Variants in NDRG3 observed in about 807,000 individuals in gnomAD.
NDRG3 encodes the protein NDRG family member 3, also known as protein NDRG3.
A neutral mutation model predicts 57.2 loss-of-function variants in NDRG3; 23 were observed. The ratio of observed to expected loss-of-function variants is 0.40; its 90% CI spans 0.29 to 0.57. The LOEUF (loss-of-function observed/expected upper bound fraction) is 0.57. NDRG3 is among the 20% of genes least tolerant of loss of function. NDRG3 has a pLI of 0.42. For synonymous variants in NDRG3, 132 were observed against 162.6 expected (o/e 0.81, Z 1.43); for missense variants, 384 against 457.3 (o/e 0.84, Z 1.46).
At chr20:36,727,679 C>G (rs1276615597) in intron 1 of NDRG3, among the ~76,000 whole-genome samples, 1 of 151,456 alleles carries the variant, frequency 6.6e-6, no homozygotes, top group Non-Finnish European at 1.5e-5. Context: ...GTAGCTGGGA[C>G]TACAGGCGCC....
chr20:36,712,588 T>TATA (rs1555804489), intron 2 of NDRG3, among the ~76,000 whole-genome samples: 9 of 10,918 alleles, frequency 8.2e-4, no homozygotes, highest in Non-Finnish European at 1.2e-3. Context: ...TATATATATA[T>TATA]TTTTTTTTTT....
chr20:36,680,796 C>G lies in NDRG3; in HGVS notation c.531+20G>C. 6.2e-7 allele frequency: 1 copy of G among 1,605,696 alleles called. No individual in the cohort carries two copies. Among genetic ancestry groups the G allele is most frequent in the South Asian group, 1.1e-5 (1 of 90,896 alleles). Reference sequence around the variant, plus strand: ...AGATGGGCCAAGATAAGCCGATGGACACCTTCATGTGGTACTTACTTTGGA... The same window carrying G: ...AGATGGGCCAAGATAAGCCGATGGAGACCTTCATGTGGTACTTACTTTGGA... On this transcript the variant is annotated intron_variant, in intron 8 of 15. Transcript: ENST00000349004.
rs558291671 is a variant in NDRG3 at position 36,656,065 on chromosome 20, C to T, written c.946+295G>A. On this transcript the variant is annotated intron_variant, in intron 15 of 15. Coordinates refer to ENST00000349004, the MANE Select transcript of NDRG3 (RefSeq NM_032013.4). The stretch of plus-strand genomic sequence containing the variant: ...AGGAGAATCGCTTGAACCCAGGAGG[C>T]GGAGGTTGCAGTGAGCTGAGATCAC... Among the ~76,000 whole-genome samples, 8 of 139,460 alleles carry T rather than the reference C, an allele frequency of 5.7e-5. No individual in the cohort carries two copies. The South Asian group carries it at 1.4e-3, about 24-fold the overall frequency. The allele number at this position is 139,460 out of a possible 152,430, so 91.5% of individuals were successfully genotyped here. A position where few individuals can be genotyped will look rare whatever the true frequency, so the allele number is the denominator to read the frequency against.
chr20:36,654,990 T>C (rs561361915), intron 15 of NDRG3, among the ~76,000 whole-genome samples: 1 of 152,356 alleles, frequency 6.6e-6, no homozygotes, highest in South Asian at 2.1e-4. Flanking sequence ...GGCTGACAGA[T>C]ACTTCAATAA....
rs138073343 is a variant in NDRG3 at position 36,709,737 on chromosome 20, G to T, written c.58-2730C>A. Among the ~76,000 whole-genome samples, 1,349 of 152,262 alleles carry T rather than the reference G, an allele frequency of 8.9e-3. 22 individuals carry two copies. Among genetic ancestry groups the T allele is most frequent in the African/African-American group, 0.03 (1,232 of 41,534 alleles). The stretch of plus-strand genomic sequence containing the variant: ...GGATTAGGATAGATGGTTTTTGTAG[G>T]ATATAAATGGCCAGCCAGTGAGTTT... On this transcript the variant is annotated intron_variant, in intron 2 of 15. Coordinates refer to ENST00000349004, the MANE Select transcript of NDRG3 (RefSeq NM_032013.4).
At chr20:36,726,496 A>T (rs193302764) in intron 1 of NDRG3, among the ~76,000 whole-genome samples, 299 of 152,246 alleles carry the variant, frequency 2.0e-3, no homozygotes, top group Admixed American at 4.5e-3. Context: ...CTTGCCAATG[A>T]GCAGTTTTAT....
intron 6 of NDRG3, 125 bp downstream of exon 6, chr20:36,684,288 C>T (rs987187954): frequency 1.4e-6 from 1 of 719,106 alleles, no homozygotes; most frequent in Non-Finnish European, 2.4e-6. Context: ...ACTTGTTACC[C>T]CACTAAGCTC....
chr20:36,660,801 C>T (rs1979140107), intron 12 of NDRG3, among the ~76,000 whole-genome samples: 1 of 152,104 alleles, frequency 6.6e-6, no homozygotes, highest in African/African-American at 2.4e-5. Flanking sequence ...ACCTCGTGAT[C>T]CGCCCACCTC....
chr20:36,683,242 TCAAAAAAAACAAAAAACAAAAC>T (rs1194240878), intron 6 of NDRG3, among the ~76,000 whole-genome samples: 4 of 151,482 alleles, frequency 2.6e-5, no homozygotes, highest in Non-Finnish European at 4.4e-5. Flanking sequence ...AGACTCTGTC[TCAAAAAAAACAAAAAACAAAAC>T]CAAAAAAAAC....
intron 13 of NDRG3, among the ~76,000 whole-genome samples, chr20:36,656,745 G>A (rs577506009): frequency 1.3e-5 from 2 of 152,280 alleles, no homozygotes; most frequent in East Asian, 3.9e-4. Flanking sequence ...TAAGACTGAA[G>A]CCCTGACTTT....
chr20:36,669,665 G>C (rs762931664), intron 9 of NDRG3, among the ~76,000 whole-genome samples: 1 of 151,878 alleles, frequency 6.6e-6, no homozygotes, highest in Admixed American at 6.6e-5. Context: ...GCGCGCGGCC[G>C]ATTTTTGAAT....
intron 2 of NDRG3, among the ~76,000 whole-genome samples, chr20:36,712,559 C>CTATATATATATATATATATATATATA (rs1201319236): frequency 9.6e-5 from 2 of 20,748 alleles, no homozygotes; most frequent in Non-Finnish European, 1.9e-4. Context: ...CCATGCCCGG[C>CTATATATATATATATATATATATATA]TATATATATA....
At chr20:36,686,106 A>C (rs1981766505) in intron 5 of NDRG3, among the ~76,000 whole-genome samples, 1 of 152,202 alleles carries the variant, frequency 6.6e-6, no homozygotes, top group South Asian at 2.1e-4. Flanking sequence ...TCTGACAGGG[A>C]AGTCAGCCTG....
At chr20:36,712,574 TATATATATATATA>T (rs1471852170) in intron 2 of NDRG3, among the ~76,000 whole-genome samples, 3 of 19,384 alleles carry the variant, frequency 1.5e-4, no homozygotes, top group African/African-American at 5.1e-4. Flanking sequence ...TATATATATA[TATATATATATATA>T]TTTTTTTTTT....
chr20:36,701,545 T>TC (rs1983224097), intron 3 of NDRG3, among the ~76,000 whole-genome samples: 1 of 95,984 alleles, frequency 1.0e-5, no homozygotes. Context: ...ACCCTGTATC[T>TC]TTTTTTTTTT....
At chr20:36,655,792 C>T (rs1978600220) in intron 15 of NDRG3, among the ~76,000 whole-genome samples, 1 of 152,118 alleles carries the variant, frequency 6.6e-6, no homozygotes, top group Admixed American at 6.6e-5. Flanking sequence ...CTTTGAGCCT[C>T]AGTTTCTTCT....
Position 36,688,729 on chromosome 20 carries a change from G to C in NDRG3, c.149C>G (p.Pro50Arg). The stretch of plus-strand genomic sequence containing the variant: ...TAGTATAACTGGTCTGTTTCCTTTG[G>C]GTAAGCCTCTTATAGTGACGTGGAC... ...GVVHVTIRGL[P>R]KGNRPVILTY... The change falls in exon 4 of 16, where the codon CCC (proline) becomes CGC (arginine). Residue 50 changes from proline (P) to arginine (R), a missense_variant. Coordinates refer to ENST00000349004, the MANE Select transcript of NDRG3 (RefSeq NM_032013.4). 1 of 1,613,898 alleles carries C rather than the reference G, an allele frequency of 6.2e-7. No homozygotes were observed. The highest frequency in any genetic ancestry group is 8.5e-7 in the Non-Finnish European group (1 of 1,179,870).
At chr20:36,678,121 C>T (rs1980916029) in intron 8 of NDRG3, among the ~76,000 whole-genome samples, 1 of 152,076 alleles carries the variant, frequency 6.6e-6, no homozygotes, top group African/African-American at 2.4e-5. Flanking sequence ...ACCAGCAATC[C>T]ACATGTCGTT....
chr20:36,714,938 C>T (rs1296259528), intron 2 of NDRG3, among the ~76,000 whole-genome samples: 1 of 139,098 alleles, frequency 7.2e-6, no homozygotes, highest in Non-Finnish European at 1.5e-5. Context: ...AAGTAGAAAT[C>T]TGTTCAAACT....
Sources: allele counts gnomAD v4.1 joint callset (sites outside exome capture counted in the v4.1 genomes callset), GRCh38; gene constraint gnomAD v4.1.1; transcripts MANE v1.5; gene names NCBI Gene and HGNC (gene_info 2026-07-23, HGNC 2026-07-21).